SPHKAP: variants seen among roughly 807,000 people sequenced by gnomAD.
The protein encoded by SPHKAP is A-kinase anchor protein SPHKAP.
SPHKAP carries 67 observed loss-of-function variants against 137.5 expected under a neutral mutation model. The ratio of observed to expected loss-of-function variants is 0.49; its 90% CI spans 0.40 to 0.60. The LOEUF (loss-of-function observed/expected upper bound fraction) is 0.60, where lower values mean the gene tolerates loss of function less well. Ranked by LOEUF, SPHKAP falls within the 20% of genes least tolerant of loss-of-function variation. SPHKAP has a pLI of 0.00. For missense variants in SPHKAP, 2,097 were observed against 2,069.3 expected, an observed-to-expected ratio of 1.01 and a Z score of -0.26; for synonymous variants, 813 against 785.3, an observed-to-expected ratio of 1.04 and a Z score of -0.59.
intron 3 of SPHKAP, among the ~76,000 whole-genome samples, chr2:228,029,323 T>C (rs936145480): frequency 3.9e-5 from 6 of 152,218 alleles, no homozygotes; most frequent in Non-Finnish European, 5.9e-5. Context: ...TTTGGGATCA[T>C]GGTTTCTTAG....
chr2:228,027,506 C>T lies in SPHKAP; in HGVS notation c.284G>A (p.Cys95Tyr). The T allele has an allele frequency of 6.2e-7, 1 of 1,614,034 alleles. No individual in the cohort carries two copies. Among genetic ancestry groups the T allele is most frequent in the Non-Finnish European group, 8.5e-7 (1 of 1,179,934 alleles). ...FVNLDVNKDE[C>Y]STEHLQQKLV... is the part of the protein sequence containing the mutation. ...TACCTGTTGCAGGTGCTCTGTGCTG[C>T]ATTCATCCTTGTTCACATCAAGATT... The change falls in exon 4 of 12, where the codon TGC becomes TAC. Residue 95 changes from cysteine to tyrosine, a missense_variant. Coordinates refer to ENST00000392056, the MANE Select transcript of SPHKAP (RefSeq NM_001142644.2).
chr2:228,131,616 T>C, intron 2 of SPHKAP: 1 of 264,468 alleles, frequency 3.8e-6, no homozygotes, highest in Non-Finnish European at 5.9e-6. Context: ...TAAAGTTTTC[T>C]TAGATACAGA....
chr2:228,166,709 A>G (rs1400858116), intron 1 of SPHKAP, among the ~76,000 whole-genome samples: 1 of 152,220 alleles, frequency 6.6e-6, no homozygotes, highest in African/African-American at 2.4e-5. Context: ...CTTCTGCATG[A>G]TGAATGACTA....
chr2:228,067,045 C>T (rs936431038), intron 3 of SPHKAP, among the ~76,000 whole-genome samples: 2 of 152,128 alleles, frequency 1.3e-5, no homozygotes, highest in Admixed American at 6.6e-5. Flanking sequence ...GCTCCACCGA[C>T]GTGACTAAAA....
In SPHKAP at chr2:228,063,170, A is replaced by G. The variant is rs6711740; in HGVS notation, c.247-35627T>C. Among the ~76,000 whole-genome samples, 1,333 of 139,408 alleles carry G rather than the reference A, an allele frequency of 9.6e-3. 17 individuals carry two copies. The highest frequency in any genetic ancestry group is 0.039 in the African/African-American group (1,255 of 32,404). The allele number at this position is 139,408 out of a possible 152,430, so 91.5% of individuals were successfully genotyped here. On this transcript the variant is annotated intron_variant, in intron 3 of 11. Coordinates refer to ENST00000392056, the MANE Select transcript of SPHKAP (RefSeq NM_001142644.2). Reference sequence around the variant, plus strand: ...TATCTATCTATCTATCTATCTATCTATCTATCTGTCTGTCTGTCTGTCTGT... The same window carrying G: ...TATCTATCTATCTATCTATCTATCTGTCTATCTGTCTGTCTGTCTGTCTGT...
chr2:228,016,573 A>G lies in SPHKAP; in HGVS notation c.4281T>C (p.Pro1427=), dbSNP rs1437163680. ...TCTGATCTGTTTCAATCTGAATCAAAGGCACTTCCCTCGAGCAAAGTGATC... is the reference window on the plus strand; with the variant it reads ...TCTGATCTGTTTCAATCTGAATCAAGGGCACTTCCCTCGAGCAAAGTGATC... ...KRRSLCSREV[P]LIQIETDQRE... The change falls in exon 7 of 12, where the codon CCT becomes CCC. Residue 1427 remains proline, a synonymous_variant. Coordinates refer to ENST00000392056, the MANE Select transcript of SPHKAP (RefSeq NM_001142644.2). 6.2e-7 allele frequency: 1 copy of G among 1,614,018 alleles called. No homozygotes were observed. The highest frequency in any genetic ancestry group is 2.2e-5 in the East Asian group (1 of 44,888).
intron 7 of SPHKAP, among the ~76,000 whole-genome samples, chr2:228,011,193 TCTC>T (rs1157770305): frequency 2.0e-5 from 3 of 151,912 alleles, no homozygotes; most frequent in African/African-American, 7.3e-5. Flanking sequence ...GGGATTGTTT[TCTC>T]CTCGTATCCA....
At chr2:228,168,946 G>C (rs1401816988) in intron 1 of SPHKAP, among the ~76,000 whole-genome samples, 1 of 152,188 alleles carries the variant, frequency 6.6e-6, no homozygotes, top group Admixed American at 6.6e-5. Context: ...CTGATATGGA[G>C]AAAGTCTGAG....
rs1694765785 is a variant in SPHKAP, at chr2:228,019,825, A to G, written c.1029T>C (p.Asp343=). 1 of 1,614,018 alleles carries G rather than the reference A, an allele frequency of 6.2e-7. No homozygotes were observed. Among genetic ancestry groups the G allele is most frequent in the African/African-American group, 1.3e-5 (1 of 74,918 alleles). The change falls in exon 7 of 12, where the codon GAT becomes GAC. Residue 343 remains aspartate (D), a synonymous_variant. Transcript: ENST00000392056. ...CTTTATCCATCATGGAGAAATAAGC[A>G]TCTTTTGGAATATACAGTGCCTGTG... ...EKSQALYIPK[D]AYFSMMDKDV...
intron 3 of SPHKAP, among the ~76,000 whole-genome samples, chr2:228,085,381 C>T (rs532435713): frequency 1.2e-4 from 18 of 152,256 alleles, no homozygotes; most frequent in Non-Finnish European, 1.8e-4. Context: ...TGTAAACATT[C>T]TGATGACTTC....
intron 2 of SPHKAP, among the ~76,000 whole-genome samples, chr2:228,113,410 G>A (rs1698580627): frequency 1.3e-5 from 2 of 152,098 alleles, no homozygotes; most frequent in African/African-American, 2.4e-5. Flanking sequence ...GTGCCCGATA[G>A]GCATTAGCTA....
At chr2:228,106,450 C>T (rs1698348604) in intron 3 of SPHKAP, among the ~76,000 whole-genome samples, 1 of 152,186 alleles carries the variant, frequency 6.6e-6, no homozygotes, top group East Asian at 1.9e-4. Flanking sequence ...ACAGGTTCCT[C>T]AGATTCTCTT....
chr2:228,149,915 T>A (rs1479419899), intron 1 of SPHKAP, among the ~76,000 whole-genome samples: 1 of 152,192 alleles, frequency 6.6e-6, no homozygotes, highest in Non-Finnish European at 1.5e-5. Flanking sequence ...CTAAATGTTT[T>A]ACTGTTTGTT....
At chr2:228,134,375 C>T (rs77754239) in intron 1 of SPHKAP, among the ~76,000 whole-genome samples, 1,832 of 152,264 alleles carry the variant, frequency 0.012, 40 homozygotes, top group African/African-American at 0.042. Flanking sequence ...GAGTCTTAGT[C>T]TCATCATTTA....
In SPHKAP at chr2:228,049,687, C is replaced by T. The variant is rs529561731; in HGVS notation, c.247-22144G>A. On this transcript the variant is annotated intron_variant, in intron 3 of 11. Transcript: ENST00000392056. ...TGCTCTAGCAGTCCCCAGATCTTCC[C>T]ATTTTTTATGTCCATATGTACCCAA... 4.6e-5 allele frequency among the ~76,000 whole-genome samples: 7 copies of T among 152,256 alleles called. No individual in the cohort carries two copies. The South Asian group carries it at 1.5e-3, about 32-fold the overall frequency.
chr2:228,045,000 C>T (rs1004341170), intron 3 of SPHKAP, among the ~76,000 whole-genome samples: 89 of 152,058 alleles, frequency 5.9e-4, no homozygotes, highest in Non-Finnish European at 1.0e-3. Flanking sequence ...TGAAAAAATG[C>T]TCATCATCAC....
At chr2:228,024,203 G>C (rs1054472083) in intron 5 of SPHKAP, among the ~76,000 whole-genome samples, 6 of 152,108 alleles carry the variant, frequency 3.9e-5, no homozygotes, top group African/African-American at 1.2e-4. Context: ...ATTAATCAGG[G>C]TCTAGTAAGT....
At position 228,016,708 on chromosome 2, in the gene SPHKAP, G is replaced by A. The variant is rs1182197760; in HGVS notation, c.4146C>T (p.Pro1382=). The A allele has an allele frequency of 4.3e-6, 7 of 1,614,034 alleles. No homozygotes were observed. Among genetic ancestry groups the A allele is most frequent in the Admixed American group, 1.7e-5 (1 of 60,004 alleles). Residue 1382 remains proline (P), a synonymous_variant, in exon 7 of 12, where the codon CCC becomes CCT. Transcript: ENST00000392056. ...RKDSVTECKQ[P]PVSSLSKTAS... is the part of the protein sequence containing the mutation. ...CAGTTTTGCTCAAAGATGACACTGG[G>A]GGCTGTTTACATTCGGTAACAGAGT...
chr2:228,090,676 T>A (rs766107829), intron 3 of SPHKAP, among the ~76,000 whole-genome samples: 38 of 152,162 alleles, frequency 2.5e-4, no homozygotes, highest in Non-Finnish European at 7.3e-5. Flanking sequence ...TCTTCATCAA[T>A]GGCTTAGTGC....
Sources: allele counts gnomAD v4.1 joint callset (sites outside exome capture counted in the v4.1 genomes callset), GRCh38; gene constraint gnomAD v4.1.1; transcripts MANE v1.5; gene names NCBI Gene and HGNC (gene_info 2026-07-23, HGNC 2026-07-21).